Variants in RALGPS1 observed in about 807,000 individuals in gnomAD.
RALGPS1 encodes the protein ras-specific guanine nucleotide-releasing factor RalGPS1.
A neutral mutation model predicts 78.8 loss-of-function variants in RALGPS1; 19 were observed. The observed-to-expected ratio is 0.24, with a 90% CI of 0.17 to 0.35. The LOEUF is 0.35. RALGPS1 is among the 10% of genes least tolerant of loss of function. The pLI is 1.00. For synonymous variants in RALGPS1, 228 were observed against 256.3 expected (o/e 0.89, Z 1.06); for missense variants, 454 against 688.3 (o/e 0.66, Z 3.81).
At chr9:126,928,387 A>C (rs1190263319) in intron 1 of RALGPS1, among the ~76,000 whole-genome samples, 1 of 152,180 alleles carries the variant, frequency 6.6e-6, no homozygotes, top group African/African-American at 2.4e-5. Context: ...AAAAGGAATT[A>C]ATATTGGTTG....
At position 126,982,928 on chromosome 9, in the gene RALGPS1, C is replaced by CTTTTT. The variant is rs71377984; in HGVS notation, c.216+5204_216+5208dup. On this transcript the variant is annotated intron_variant, in intron 4 of 18. Coordinates refer to ENST00000259351, the MANE Select transcript of RALGPS1 (RefSeq NM_014636.3). Reference sequence around the variant, plus strand: ...TCTTCTTCTTCTTCTTCTTCTTCTTCTTTTTTTTTTTTTTTTTTTTTTTTT... The same window carrying CTTTTT: ...TCTTCTTCTTCTTCTTCTTCTTCTTCTTTTTTTTTTTTTTTTTTTTTTTTTTTTTT... Among the ~76,000 whole-genome samples, 96 of 34,632 alleles carry CTTTTT rather than the reference C, an allele frequency of 2.8e-3. 1 individual carries two copies. The highest frequency in any genetic ancestry group is 5.0e-3 in the Non-Finnish European group (79 of 15,938). The allele number at this position is 34,632 out of a possible 152,430, so 22.7% of individuals were successfully genotyped here.
chr9:127,156,624 A>G (rs557021020), intron 8 of RALGPS1, among the ~76,000 whole-genome samples: 1 of 152,232 alleles, frequency 6.6e-6, no homozygotes, highest in East Asian at 1.9e-4. Flanking sequence ...AGCTCTTTAT[A>G]TATTAGGACT....
At chr9:127,024,543 TAA>T (rs2045792671) in intron 4 of RALGPS1, among the ~76,000 whole-genome samples, 1 of 151,916 alleles carries the variant, frequency 6.6e-6, no homozygotes, top group Admixed American at 6.6e-5. Context: ...GGTGGACTCT[TAA>T]AGTTGAAAAC....
intron 7 of RALGPS1, among the ~76,000 whole-genome samples, chr9:127,054,582 A>G (rs1206467024): frequency 6.6e-6 from 1 of 152,194 alleles, no homozygotes; most frequent in African/African-American, 2.4e-5. Context: ...AGTGGGCAGC[A>G]GCAGGTCACA....
intron 7 of RALGPS1, among the ~76,000 whole-genome samples, chr9:127,058,998 A>G (rs554663503): frequency 6.6e-6 from 1 of 152,116 alleles, no homozygotes; most frequent in Non-Finnish European, 1.5e-5. Context: ...GAGGGGAACT[A>G]TCCTGGGAGT....
In RALGPS1 at chr9:127,176,717, G is replaced by A. The variant is rs896842431; in HGVS notation, c.910+1935G>A. ...ACTTGCTGTCCTTCAGACAGCTCTG[G>A]AATACCCATCTCCCGGTGCCCCTTC... On this transcript the variant is annotated intron_variant, in intron 11 of 18. Coordinates refer to ENST00000259351, the MANE Select transcript of RALGPS1 (RefSeq NM_014636.3). Among the ~76,000 whole-genome samples the A allele has an allele frequency of 2.6e-5, 4 of 152,172 alleles. No homozygotes were observed. In the South Asian group the frequency reaches 6.2e-4, roughly 24 times the overall value.
At chr9:126,918,345 CT>C (rs781373697) in intron 1 of RALGPS1, among the ~76,000 whole-genome samples, 1 of 152,140 alleles carries the variant, frequency 6.6e-6, no homozygotes, top group African/African-American at 2.4e-5. Flanking sequence ...TCGTTTAAAA[CT>C]TTTTTTAAGA....
intron 4 of RALGPS1, among the ~76,000 whole-genome samples, chr9:127,019,676 G>A (rs1471799288): frequency 1.3e-5 from 2 of 152,066 alleles, no homozygotes; most frequent in Admixed American, 1.3e-4. Context: ...TTGTATAAAT[G>A]TACCACAACT....
chr9:126,925,717 T>A (rs1357857945), intron 1 of RALGPS1, among the ~76,000 whole-genome samples: 1 of 151,854 alleles, frequency 6.6e-6, no homozygotes, highest in African/African-American at 2.4e-5. Context: ...AAAAAAAAAA[T>A]TATAGCACTG....
chr9:127,133,217 G>T (rs897820607), intron 8 of RALGPS1, among the ~76,000 whole-genome samples: 1 of 152,224 alleles, frequency 6.6e-6, no homozygotes, highest in African/African-American at 2.4e-5. Flanking sequence ...AGGAGGCACC[G>T]TGCACCCTGG....
chr9:127,214,284 A>G (rs922222179), intron 17 of RALGPS1: 1 of 153,704 alleles, frequency 6.5e-6, no homozygotes, highest in African/African-American at 2.4e-5. Context: ...AATACCTGTG[A>G]TTTTTATCTC....
chr9:127,199,294 C>T (rs1247187614), intron 14 of RALGPS1, among the ~76,000 whole-genome samples: 8 of 152,172 alleles, frequency 5.3e-5, no homozygotes. Flanking sequence ...CATGCCTCCC[C>T]TGATCCAGGA....
intron 8 of RALGPS1, among the ~76,000 whole-genome samples, chr9:127,142,438 G>T (rs2057843658): frequency 6.6e-6 from 1 of 152,198 alleles, no homozygotes; most frequent in African/African-American, 2.4e-5. Context: ...GGATGAAGAG[G>T]ACTCTGGAGG....
chr9:126,945,938 T>A (rs1391737438), intron 1 of RALGPS1, among the ~76,000 whole-genome samples: 1 of 152,234 alleles, frequency 6.6e-6, no homozygotes, highest in Non-Finnish European at 1.5e-5. Context: ...ATGCTTTAGA[T>A]ATAGGAAAAT....
At chr9:127,178,598 C>A in intron 11 of RALGPS1, 2 of 590,206 alleles carry the variant, frequency 3.4e-6, no homozygotes, top group Non-Finnish European at 2.1e-6. Flanking sequence ...CTTCTCCCCA[C>A]TATCACCCCC....
chr9:127,218,812 C>T lies in RALGPS1; in HGVS notation c.*43C>T. 1 of 1,599,506 alleles carries T rather than the reference C, an allele frequency of 6.3e-7. No homozygotes were observed. Among genetic ancestry groups the T allele is most frequent in the Non-Finnish European group, 8.6e-7 (1 of 1,166,638 alleles). On this transcript the variant is annotated 3_prime_UTR_variant, in exon 19 of 19. Coordinates refer to ENST00000259351, the MANE Select transcript of RALGPS1 (RefSeq NM_014636.3). The surrounding 1 kb of genome is among the most constrained non-coding windows in gnomAD (Gnocchi z 4.4). ...CATGACTTCAGAGGCTTCTGGGAAC[C>T]CAGGCTGGGCCTGGTGGTGAAGAGC...
In RALGPS1 at chr9:127,091,539, G is replaced by C; in HGVS notation, c.610+22183G>C. ...AGGGACCCTCAGGGGGTGGTAACAG[G>C]GTCAGGCAGCTTGGCCCAGCTGCTT... On this transcript the variant is annotated intron_variant, in intron 8 of 18. Transcript: ENST00000259351. The surrounding 1 kb of genome is among the most constrained non-coding windows in gnomAD (Gnocchi z 4.3). 13 of 1,285,112 alleles carry C rather than the reference G, an allele frequency of 1.0e-5. No homozygotes were observed. Among genetic ancestry groups the C allele is most frequent in the Non-Finnish European group, 1.3e-5 (12 of 933,758 alleles). The allele number at this position is 1,285,112 out of a possible 1,614,324, so 79.6% of individuals were successfully genotyped here.
At chr9:127,216,860 G>T in intron 18 of RALGPS1, 1 of 1,453,024 alleles carries the variant, frequency 6.9e-7, no homozygotes, top group Non-Finnish European at 9.1e-7. Context: ...TCTGAGGGCC[G>T]CTCTCTTAAG....
intron 4 of RALGPS1, among the ~76,000 whole-genome samples, chr9:127,004,538 T>C (rs1161935526): frequency 6.6e-6 from 1 of 152,268 alleles, no homozygotes; most frequent in Non-Finnish European, 1.5e-5. Flanking sequence ...GTGCTACTAC[T>C]TATGTCTGGG....
Sources: gnomAD v4.1 joint callset for allele counts (sites outside exome capture counted in the v4.1 genomes callset) on GRCh38, gnomAD v4.1.1 for gene constraint, Gnocchi (gnomAD v3.1) non-coding constraint, MANE v1.5 for transcripts, NCBI Gene and HGNC (gene_info 2026-07-23, HGNC 2026-07-21) for gene names.